The following ASCC3 variants were observed in gnomAD, a reference collection of about 807,000 sequenced individuals.
ASCC3 encodes the protein activating signal cointegrator 1 complex subunit 3.
Under a neutral mutation model 256.3 loss-of-function variants are expected in ASCC3, and 158 were observed. The ratio of observed to expected loss-of-function variants is 0.62; its 90% CI spans 0.54 to 0.70. The LOEUF (loss-of-function observed/expected upper bound fraction) is 0.70, where lower values mean the gene tolerates loss of function less well. Among genes scored for constraint, ASCC3 ranks in the 30% least tolerant of loss-of-function variants. The probability of loss-of-function intolerance (pLI) is 0.00; values close to 1 mark genes in which losing one functional copy is unlikely to be tolerated. For synonymous variants in ASCC3, 948 were observed against 883.4 expected (o/e 1.07, Z -1.30); for missense variants, 2,259 against 2,626.0 (o/e 0.86, Z 3.05).
intron 15 of ASCC3, 48 bp from the exon 16 acceptor site, chr6:100,662,078 T>C (rs1776248230): frequency 2.0e-6 from 3 of 1,535,474 alleles, no homozygotes; most frequent in Admixed American, 1.7e-5. Context: ...CACACAAATA[T>C]AATCCTGATG....
At chr6:100,703,892 A>C (rs1409092248) in intron 13 of ASCC3, among the ~76,000 whole-genome samples, 1 of 151,832 alleles carries the variant, frequency 6.6e-6, no homozygotes, top group Non-Finnish European at 1.5e-5. Context: ...TTAATGAAAA[A>C]GTACATCAAG....
Position 100,627,833 on chromosome 6 carries a change from T to G in ASCC3, c.4521+9A>C, listed in dbSNP as rs766230382. On this transcript the variant is annotated intron_variant, in intron 28 of 41. Coordinates refer to ENST00000369162, the MANE Select transcript of ASCC3 (RefSeq NM_006828.4). The stretch of plus-strand genomic sequence containing the variant: ...AAATAAATGCATAATTTATCAATCT[T>G]CTACATACCTGCTTAATATTGAGCC... 1 of 1,613,516 alleles carries G rather than the reference T, an allele frequency of 6.2e-7. No homozygotes were observed. The highest frequency in any genetic ancestry group is 8.5e-7 in the Non-Finnish European group (1 of 1,179,732).
chr6:100,514,925 T>C (rs1773945542), intron 39 of ASCC3, among the ~76,000 whole-genome samples: 1 of 152,184 alleles, frequency 6.6e-6, no homozygotes, highest in Non-Finnish European at 1.5e-5. Context: ...ATTTGTATGT[T>C]ACCTGGGATC....
chr6:100,746,039 G>C (rs933154212), intron 10 of ASCC3, among the ~76,000 whole-genome samples: 24 of 151,826 alleles, frequency 1.6e-4, no homozygotes, highest in Non-Finnish European at 3.2e-4. Flanking sequence ...TTAAAAGATA[G>C]CTAATACTTA....
chr6:100,580,261 AT>A (rs780060564), intron 36 of ASCC3, among the ~76,000 whole-genome samples: 18 of 150,966 alleles, frequency 1.2e-4, no homozygotes, highest in Admixed American at 5.3e-4. Context: ...ATTCTAACTC[AT>A]TTTTTTTTAA....
chr6:100,705,632 A>G (rs943804367), intron 13 of ASCC3, among the ~76,000 whole-genome samples: 4 of 152,006 alleles, frequency 2.6e-5, no homozygotes, highest in Non-Finnish European at 1.5e-5. Flanking sequence ...AATTCCGAAG[A>G]GTATTCACTT....
intron 3 of ASCC3, chr6:100,859,137 C>T (rs892215166): frequency 2.6e-6 from 2 of 780,022 alleles, no homozygotes; most frequent in Non-Finnish European, 4.8e-6. Context: ...CTGTCAGAAG[C>T]TCTGCTCATC....
intron 4 of ASCC3, among the ~76,000 whole-genome samples, chr6:100,829,331 G>A (rs567984928): frequency 7.2e-4 from 110 of 152,146 alleles, no homozygotes; most frequent in African/African-American, 2.4e-3. Context: ...ATGGAGTGGC[G>A]GGGAGGCTCA....
chr6:100,669,792 G>A (rs949497163), intron 14 of ASCC3, among the ~76,000 whole-genome samples: 8 of 151,782 alleles, frequency 5.3e-5, no homozygotes, highest in Non-Finnish European at 1.0e-4. Flanking sequence ...AGAGAATATT[G>A]TATATTAAAT....
chr6:100,530,533 T>C, intron 37 of ASCC3: 1 of 784,556 alleles, frequency 1.3e-6, no homozygotes. Context: ...ATAGATGGTA[T>C]ATAGCAGTTC....
At chr6:100,596,760 T>G (rs1400884146) in intron 34 of ASCC3, among the ~76,000 whole-genome samples, 1 of 152,192 alleles carries the variant, frequency 6.6e-6, no homozygotes, top group Non-Finnish European at 1.5e-5. Flanking sequence ...TTTATTATTA[T>G]AGTTGACCTG....
chr6:100,711,116 C>T lies in ASCC3; in HGVS notation c.2151+4346G>A, dbSNP rs114427131. ...TCTAAAAAAGTAACTTATTCTAATG[C>T]GAAGCAATCCTATGTTCCATACTAA... On this transcript the variant is annotated intron_variant, in intron 13 of 41. Transcript: ENST00000369162. Among the ~76,000 whole-genome samples, 1,249 of 152,158 alleles carry T rather than the reference C, an allele frequency of 8.2e-3. 5 individuals carry two copies. Among genetic ancestry groups the T allele is most frequent in the African/African-American group, 0.023 (947 of 41,482 alleles).
intron 4 of ASCC3, among the ~76,000 whole-genome samples, chr6:100,807,446 G>T (rs1770245916): frequency 6.6e-6 from 1 of 151,788 alleles, no homozygotes; most frequent in Non-Finnish European, 1.5e-5. Context: ...AACAAAGTAT[G>T]ACATATGGAG....
intron 25 of ASCC3, among the ~76,000 whole-genome samples, chr6:100,632,770 T>G (rs1164247941): frequency 6.6e-6 from 1 of 152,094 alleles, no homozygotes; most frequent in Non-Finnish European, 1.5e-5. Flanking sequence ...GACTGTATAT[T>G]CACATGTAAA....
chr6:100,783,627 C>A (rs189403074), intron 8 of ASCC3, among the ~76,000 whole-genome samples: 3 of 152,106 alleles, frequency 2.0e-5, no homozygotes, highest in African/African-American at 7.2e-5. Context: ...CACATTGTAA[C>A]GTTTAAAGAA....
At chr6:100,665,933 C>A (rs1776450303) in intron 14 of ASCC3, among the ~76,000 whole-genome samples, 2 of 152,052 alleles carry the variant, frequency 1.3e-5, no homozygotes, top group Admixed American at 6.6e-5. Flanking sequence ...AGAGGAGTTT[C>A]TCCACCTTAA....
chr6:100,785,359 T>A (rs4839789), intron 8 of ASCC3, among the ~76,000 whole-genome samples: 83,488 of 151,956 alleles, frequency 0.55, 23,319 homozygotes, highest in South Asian at 0.75. Context: ...TATATTTTTA[T>A]GTTACTTAAC....
intron 13 of ASCC3, among the ~76,000 whole-genome samples, chr6:100,682,930 C>A (rs546551054): frequency 2.6e-5 from 4 of 152,130 alleles, no homozygotes; most frequent in Non-Finnish European, 5.9e-5. Context: ...TTAAAGCCAG[C>A]TGAGTAAGGA....
chr6:100,528,002 A>ATT (rs558311857), intron 37 of ASCC3, among the ~76,000 whole-genome samples: 5 of 143,412 alleles, frequency 3.5e-5, no homozygotes, highest in African/African-American at 1.0e-4. Flanking sequence ...TGCCCAGCTA[A>ATT]TTTTTTTTTT....
Sources: gnomAD v4.1 joint callset for allele counts (sites outside exome capture counted in the v4.1 genomes callset) on GRCh38, gnomAD v4.1.1 for gene constraint, MANE v1.5 for transcripts, NCBI Gene and HGNC (gene_info 2026-07-23, HGNC 2026-07-21) for gene names.